ZNF17: variants seen among roughly 807,000 people sequenced by gnomAD.
The protein encoded by ZNF17 is zinc finger protein 17 (HPF3, KOX 10).
A neutral mutation model predicts 7.7 loss-of-function variants in ZNF17; 4 were observed. The ratio of observed to expected loss-of-function variants is 0.52; its 90% CI spans 0.26 to 1.20. The LOEUF (loss-of-function observed/expected upper bound fraction) is 1.20. Ranked by LOEUF, ZNF17 falls within the 50% of genes most tolerant of loss-of-function variation. ZNF17 has a pLI of 0.14. For synonymous variants in ZNF17, 249 were observed against 258.8 expected, an observed-to-expected ratio of 0.96 and a Z score of 0.36; for missense variants, 738 against 799.5, an observed-to-expected ratio of 0.92 and a Z score of 0.93.
rs776368043 is a variant in ZNF17, at chr19:57,420,420, G to A, written c.934G>A (p.Ala312Thr). 3 of 1,613,560 alleles carry A rather than the reference G, an allele frequency of 1.9e-6. No homozygotes were observed. The African/African-American group carries it at 4.0e-5, about 22-fold the overall frequency. Reference sequence around the variant, plus strand: ...TTATGTGTGTAGTGAATGTGGGAAGGCCTTCCTTACACAGGCTCACCTTGT... The same window carrying A: ...TTATGTGTGTAGTGAATGTGGGAAGACCTTCCTTACACAGGCTCACCTTGT... ...RPYVCSECGKAFLTQAHLVGH... is the reference protein window; with the variant it reads ...RPYVCSECGKTFLTQAHLVGH... The change falls in exon 4 of 4, where the codon GCC (alanine) becomes ACC (threonine). Residue 312 changes from alanine to threonine, a missense_variant. Ala to Thr is a moderately conservative substitution (Grantham distance 58, BLOSUM62 0). This residue lies in a region of ZNF17 where 616 missense variants were observed against 663.9 expected (regional missense o/e 0.93). Coordinates refer to ENST00000307658, the MANE Select transcript of ZNF17 (RefSeq NM_001330617.2).
At chr19:57,419,597 CA>C in intron 3 of ZNF17, 37 bp from the exon 4 acceptor site, 1 of 1,571,928 alleles carries the variant, frequency 6.4e-7, no homozygotes. Flanking sequence ...CTCTTCCCTC[CA>C]AAGTCATCAT....
At chr19:57,419,331 A>C (rs1486637332) in intron 3 of ZNF17, 3 of 297,460 alleles carry the variant, frequency 1.0e-5, no homozygotes, top group Non-Finnish European at 6.4e-6. Context: ...ACAGTCTTCT[A>C]CACATTGTTC....
At position 57,421,222 on chromosome 19, in the gene ZNF17, C is replaced by T. The variant is rs751931245; in HGVS notation, c.1736C>T (p.Thr579Ile). Residue 579 changes from threonine to isoleucine, a missense_variant, in exon 4 of 4, where the codon ACT becomes ATT. Coordinates refer to ENST00000307658, the MANE Select transcript of ZNF17 (RefSeq NM_001330617.2). ...CTCATTCGGCACCAAAAAGTTCACA[C>T]TAGGGAAAGAACTTACAAATGCAGC... ...SHLIRHQKVH[T>I]RERTYKCSKC... is the part of the protein sequence containing the mutation. 1 of 1,614,100 alleles carries T rather than the reference C, an allele frequency of 6.2e-7. No individual in the cohort carries two copies. The highest frequency in any genetic ancestry group is 8.5e-7 in the Non-Finnish European group (1 of 1,180,030).
At chr19:57,419,512 T>C in intron 3 of ZNF17, 123 bp from the exon 4 acceptor site, 1 of 1,088,980 alleles carries the variant, frequency 9.2e-7, no homozygotes, top group Non-Finnish European at 1.3e-6. Context: ...TCACTGGCTT[T>C]AATGTCCCAT....
At chr19:57,418,246 G>A (rs559520288) in intron 3 of ZNF17, among the ~76,000 whole-genome samples, 1 of 152,222 alleles carries the variant, frequency 6.6e-6, no homozygotes, top group South Asian at 2.1e-4. Flanking sequence ...AGCCTTATAA[G>A]GCTCAAAAGT....
Position 57,411,335 on chromosome 19 carries a change from A to G in ZNF17, c.-92A>G. On this transcript the variant is annotated 5_prime_UTR_variant, in exon 1 of 4. Transcript: ENST00000307658. Reference sequence around the variant, plus strand: ...GGCGTTGGTGCCTCTGTCAGCGTCCAGGTCACTGCCGCTCCCGCCCCGCTC... The same window carrying G: ...GGCGTTGGTGCCTCTGTCAGCGTCCGGGTCACTGCCGCTCCCGCCCCGCTC... 1 of 1,597,748 alleles carries G rather than the reference A, an allele frequency of 6.3e-7. No individual in the cohort carries two copies. Among genetic ancestry groups the G allele is most frequent in the Non-Finnish European group, 8.5e-7 (1 of 1,172,312 alleles).
rs1343329273 is a variant in ZNF17, at chr19:57,420,289, A to G, written c.803A>G (p.Lys268Arg). Residue 268 changes from lysine to arginine, a missense_variant, in exon 4 of 4, where the codon AAA becomes AGA. This residue lies in a region of ZNF17 where 616 missense variants were observed against 663.9 expected (regional missense o/e 0.93). Coordinates refer to ENST00000307658, the MANE Select transcript of ZNF17 (RefSeq NM_001330617.2). The part of the protein sequence containing the change: ...SLKYNVVQHQ[K>R]IHTGERPYEC... ...AAATACAATGTTGTTCAACACCAGA[A>G]AATTCACACTGGAGAAAGGCCTTAT... The G allele has an allele frequency of 6.2e-7, 1 of 1,614,024 alleles. No homozygotes were observed. Among genetic ancestry groups the G allele is most frequent in the East Asian group, 2.2e-5 (1 of 44,884 alleles).
chr19:57,420,189 CTTA>C lies in ZNF17; in HGVS notation c.707_709del (p.Ile236del). 1 of 1,613,182 alleles carries C rather than the reference CTTA, an allele frequency of 6.2e-7. No individual in the cohort carries two copies. Among genetic ancestry groups the C allele is most frequent in the Non-Finnish European group, 8.5e-7 (1 of 1,179,138 alleles). On this transcript the variant is annotated inframe_deletion, in exon 4 of 4. Coordinates refer to ENST00000307658, the MANE Select transcript of ZNF17 (RefSeq NM_001330617.2). ...CAAATTGTTTAGGTACAACTCCGACCTTATTAAACATCAGCGAAATCATACTGG... is the reference window on the plus strand; with the variant it reads ...CAAATTGTTTAGGTACAACTCCGACCTTAAACATCAGCGAAATCATACTGG...
chr19:57,415,022 G>C (rs1229354430), intron 2 of ZNF17, among the ~76,000 whole-genome samples: 1 of 152,214 alleles, frequency 6.6e-6, no homozygotes, highest in Non-Finnish European at 1.5e-5. Flanking sequence ...ATTTGACCTA[G>C]ATTCTAAGAG....
intron 2 of ZNF17, 28 bp from the exon 3 acceptor site, chr19:57,417,884 A>G (rs1160144917): frequency 3.8e-6 from 6 of 1,595,052 alleles, no homozygotes; most frequent in Middle Eastern, 1.7e-4. Context: ...AAAGTTGCTC[A>G]CAGACTAAAC....
intron 2 of ZNF17, 57 bp from the exon 3 acceptor site, chr19:57,417,855 A>AG: frequency 1.3e-6 from 2 of 1,586,530 alleles, no homozygotes; most frequent in East Asian, 4.5e-5. Context: ...CAAAAAAAAA[A>AG]AAAAAAAGAA....
chr19:57,420,479 T>G lies in ZNF17; in HGVS notation c.993T>G (p.Pro331=). 6.2e-7 allele frequency: 1 copy of G among 1,614,190 alleles called. No individual in the cohort carries two copies. The change falls in exon 4 of 4, where the codon CCT becomes CCG. Residue 331 remains proline (P), a synonymous_variant. Coordinates refer to ENST00000307658, the MANE Select transcript of ZNF17 (RefSeq NM_001330617.2). ...GHQKIHTGER[P]YGCNECGKYF... The stretch of plus-strand genomic sequence containing the variant: ...AGAAAATTCATACTGGAGAACGGCC[T>G]TATGGATGCAATGAATGTGGGAAAT...
Position 57,411,397 on chromosome 19 carries a change from CCTGA to C in ZNF17, c.-25_-22del. The C allele has an allele frequency of 6.2e-7, 1 of 1,612,486 alleles. No homozygotes were observed. The highest frequency in any genetic ancestry group is 8.5e-7 in the Non-Finnish European group (1 of 1,179,588). On this transcript the variant is annotated 5_prime_UTR_variant, in exon 1 of 4. The change abolishes the stop of an existing upstream ORF in the 5' untranslated region. Transcript: ENST00000307658. ...TGCTGGCGGAGGCTGCGCCGATGAACCTGACTGAGGTGGGTGCCGCGTCCCAGGG... is the reference window on the plus strand; with the variant it reads ...TGCTGGCGGAGGCTGCGCCGATGAACCTGAGGTGGGTGCCGCGTCCCAGGG...
At position 57,421,009 on chromosome 19, in the gene ZNF17, C is replaced by T. The variant is rs2088847410; in HGVS notation, c.1523C>T (p.Ser508Phe). Residue 508 changes from serine to phenylalanine, a missense_variant, in exon 4 of 4, where the codon TCC (serine) becomes TTC (phenylalanine). This residue lies in a region of ZNF17 where 616 missense variants were observed against 663.9 expected (regional missense o/e 0.93). Coordinates refer to ENST00000307658, the MANE Select transcript of ZNF17 (RefSeq NM_001330617.2). ...RPFECSICGK[S>F]FRCRSTLDTH... is the part of the protein sequence containing the mutation. ...TTTGAATGCAGCATTTGTGGGAAAT[C>T]CTTTAGATGTCGCTCCACACTTGAT... 4 of 1,613,108 alleles carry T rather than the reference C, an allele frequency of 2.5e-6. No individual in the cohort carries two copies. The highest frequency in any genetic ancestry group is 2.2e-5 in the East Asian group (1 of 44,744).
In ZNF17 at chr19:57,420,053, G is replaced by C. The variant is rs2088838028; in HGVS notation, c.567G>C (p.Gln189His). 6.2e-7 allele frequency: 1 copy of C among 1,614,176 alleles called. No individual in the cohort carries two copies. ...GTGTGGAGGCCTTTCAAAGTGGACAGAATAATTACAGCTGCACCCAATGTG... is the reference window on the plus strand; with the variant it reads ...GTGTGGAGGCCTTTCAAAGTGGACACAATAATTACAGCTGCACCCAATGTG... ...THGVEAFQSGQNNYSCTQCGK... is the reference protein window; with the variant it reads ...THGVEAFQSGHNNYSCTQCGK... The change falls in exon 4 of 4, where the codon CAG becomes CAC. Residue 189 changes from glutamine (Q) to histidine (H), a missense_variant. By Grantham distance (24) the Gln-to-His change is conservative. Transcript: ENST00000307658.
At chr19:57,418,555 T>C (rs555545894) in intron 3 of ZNF17, among the ~76,000 whole-genome samples, 3 of 152,280 alleles carry the variant, frequency 2.0e-5, no homozygotes, top group African/African-American at 7.2e-5. Context: ...GTCTTTCCCC[T>C]AGCTTGGCTA....
rs746021654 is a variant in ZNF17, at chr19:57,420,471, G to A, written c.985G>A (p.Glu329Lys). The stretch of plus-strand genomic sequence containing the variant: ...TGGTCACCAGAAAATTCATACTGGA[G>A]AACGGCCTTATGGATGCAATGAATG... ...LVGHQKIHTG[E>K]RPYGCNECGK... Residue 329 changes from glutamate (E) to lysine (K), a missense_variant, in exon 4 of 4, where the codon GAA (glutamate) becomes AAA (lysine). This residue lies in a region of ZNF17 where 616 missense variants were observed against 663.9 expected (regional missense o/e 0.93). Transcript: ENST00000307658. The A allele has an allele frequency of 6.4e-5, 103 of 1,614,078 alleles. No individual in the cohort carries two copies. The highest frequency in any genetic ancestry group is 4.9e-4 in the Middle Eastern group (3 of 6,084).
At chr19:57,411,444 C>T (rs1266503160) in intron 1 of ZNF17, 38 bp downstream of exon 1, 1 of 1,605,082 alleles carries the variant, frequency 6.2e-7, no homozygotes, top group Non-Finnish European at 8.5e-7. Context: ...CCCGATCCCT[C>T]CTCCGAGTGC....
intron 2 of ZNF17, among the ~76,000 whole-genome samples, chr19:57,414,712 T>C (rs1293630059): frequency 4.0e-5 from 6 of 149,850 alleles, no homozygotes; most frequent in Non-Finnish European, 1.5e-5. Context: ...TGACCTAGAT[T>C]CTTTTTTTTT....
Sources: allele counts gnomAD v4.1 joint callset (sites outside exome capture counted in the v4.1 genomes callset), GRCh38; gene constraint gnomAD v4.1.1; regional missense constraint gnomAD v4.1.1; transcripts MANE v1.5; gene names NCBI Gene and HGNC (gene_info 2026-07-23, HGNC 2026-07-21).